NDST3: variants seen among roughly 807,000 people sequenced by gnomAD.
NDST3 encodes the protein N-deacetylase and N-sulfotransferase 3, also known as bifunctional heparan sulfate N-deacetylase/N-sulfotransferase 3.
NDST3 carries 58 observed loss-of-function variants against 96.1 expected under a neutral mutation model. The observed-to-expected ratio is 0.60, with a 90% CI of 0.49 to 0.75. NDST3 has a LOEUF of 0.75. Among genes scored for constraint, NDST3 ranks in the 30% least tolerant of loss-of-function variants. NDST3 has a pLI of 0.00. For synonymous variants in NDST3, 333 were observed against 359.7 expected (o/e 0.93, Z 0.84); for missense variants, 788 against 1,034.2 (o/e 0.76, Z 3.27).
upstream of NDST3, among the ~76,000 whole-genome samples, chr4:118,034,178 T>C: frequency 6.6e-6 from 1 of 152,232 alleles, no homozygotes. Context: ...TTTCATGGTG[T>C]GGTTATTTGC....
chr4:118,231,543 T>C (rs2125999674), intron 8 of NDST3, among the ~76,000 whole-genome samples: 1 of 151,956 alleles, frequency 6.6e-6, no homozygotes, highest in South Asian at 2.1e-4. Flanking sequence ...CAAAGTTTTG[T>C]ACAAATGGCA....
chr4:118,069,438 G>A (rs997743917), intron 2 of NDST3, among the ~76,000 whole-genome samples: 6 of 151,924 alleles, frequency 3.9e-5, no homozygotes, highest in Non-Finnish European at 5.9e-5. Context: ...TTAAACATTC[G>A]CCTTTGAGAA....
At chr4:118,110,445 C>T (rs1321615858) in intron 3 of NDST3, among the ~76,000 whole-genome samples, 1 of 152,122 alleles carries the variant, frequency 6.6e-6, no homozygotes, top group African/African-American at 2.4e-5. Context: ...TGTCAATTCC[C>T]TTATCTGTAA....
intron 1 of NDST3, among the ~76,000 whole-genome samples, chr4:118,048,279 A>T (rs948665473): frequency 6.6e-6 from 1 of 152,162 alleles, no homozygotes; most frequent in Non-Finnish European, 1.5e-5. Flanking sequence ...AAACACACTT[A>T]AGCACACAGC....
intron 2 of NDST3, among the ~76,000 whole-genome samples, chr4:118,058,960 A>C (rs970122243): frequency 6.6e-6 from 1 of 152,090 alleles, no homozygotes; most frequent in Admixed American, 6.6e-5. Context: ...AAGACATCTG[A>C]GAAGTCAAAT....
At chr4:118,116,382 T>C (rs954852032) in intron 4 of NDST3, among the ~76,000 whole-genome samples, 1 of 152,206 alleles carries the variant, frequency 6.6e-6, no homozygotes, top group Non-Finnish European at 1.5e-5. Context: ...GTTGTTGTTG[T>C]TGCTGTTTTG....
At chr4:118,207,936 G>A (rs1738535590) in intron 6 of NDST3, among the ~76,000 whole-genome samples, 1 of 144,242 alleles carries the variant, frequency 6.9e-6, no homozygotes, top group Non-Finnish European at 1.5e-5. Flanking sequence ...TGCCTCTTAT[G>A]TGCAGTTCTG....
At chr4:118,060,379 T>G (rs575793090) in intron 2 of NDST3, among the ~76,000 whole-genome samples, 1 of 152,258 alleles carries the variant, frequency 6.6e-6, no homozygotes, top group African/African-American at 2.4e-5. Flanking sequence ...ACCAGCTTTC[T>G]TTTGATTACT....
intron 6 of NDST3, among the ~76,000 whole-genome samples, chr4:118,150,416 C>T (rs931522544): frequency 9.9e-5 from 15 of 151,966 alleles, no homozygotes; most frequent in African/African-American, 3.1e-4. Flanking sequence ...AGCTTCTGCA[C>T]AGCAAAAGAA....
At chr4:118,254,245 C>CAAA (rs33924467) in intron 13 of NDST3, among the ~76,000 whole-genome samples, 1 of 127,668 alleles carries the variant, frequency 7.8e-6, no homozygotes, top group Non-Finnish European at 1.6e-5. Context: ...AACTCCAACT[C>CAAA]AAAAAAAAAA....
At chr4:118,234,786 T>C (rs1327221950) in intron 9 of NDST3, among the ~76,000 whole-genome samples, 1 of 151,942 alleles carries the variant, frequency 6.6e-6, no homozygotes, top group Non-Finnish European at 1.5e-5. Flanking sequence ...TCCCAGCACT[T>C]TGGGAGGCTG....
intron 3 of NDST3, among the ~76,000 whole-genome samples, chr4:118,111,298 C>T (rs1730613810): frequency 6.6e-6 from 1 of 151,970 alleles, no homozygotes; most frequent in South Asian, 2.1e-4. Context: ...ACCTGCATGT[C>T]CCCCCGAATC....
chr4:118,064,180 T>A (rs1412375353), intron 2 of NDST3, among the ~76,000 whole-genome samples: 4 of 152,180 alleles, frequency 2.6e-5, no homozygotes, highest in African/African-American at 9.6e-5. Context: ...TCTGATAATC[T>A]CACTTTTTCT....
intron 6 of NDST3, among the ~76,000 whole-genome samples, chr4:118,175,116 A>C (rs1344137284): frequency 6.6e-6 from 1 of 152,076 alleles, no homozygotes; most frequent in Non-Finnish European, 1.5e-5. Flanking sequence ...GTACCTCATC[A>C]ATTCAATGCT....
chr4:118,131,970 A>G (rs1732660115), intron 4 of NDST3, among the ~76,000 whole-genome samples: 1 of 152,034 alleles, frequency 6.6e-6, no homozygotes, highest in Non-Finnish European at 1.5e-5. Flanking sequence ...AAACACCCCT[A>G]TGGCCACTAT....
Position 118,136,192 on chromosome 4 carries a change from C to G in NDST3, c.1225-1862C>G, listed in dbSNP as rs571765670. On this transcript the variant is annotated intron_variant, in intron 4 of 13. Coordinates refer to ENST00000296499, the MANE Select transcript of NDST3 (RefSeq NM_004784.3). The stretch of plus-strand genomic sequence containing the variant: ...CTCTTCAAAAAGTTGTTAACCTCCT[C>G]AGCACCACATAACATTTCCATGTAA... Among the ~76,000 whole-genome samples the G allele has an allele frequency of 1.2e-3, 177 of 152,318 alleles. 1 individual carries two copies. The highest frequency in any genetic ancestry group is 3.4e-3 in the Middle Eastern group (1 of 294).
At position 118,083,885 on chromosome 4, in the gene NDST3, A is replaced by C. The variant is rs192635618; in HGVS notation, c.982-21133A>C. On this transcript the variant is annotated intron_variant, in intron 2 of 13. Transcript: ENST00000296499. ...TTACAATTTTTAACCATTCAGTCTTATTTTCCTCAACAATCTTTCTATCTT... is the reference window on the plus strand; with the variant it reads ...TTACAATTTTTAACCATTCAGTCTTCTTTTCCTCAACAATCTTTCTATCTT... Among the ~76,000 whole-genome samples the C allele has an allele frequency of 1.9e-4, 29 of 152,184 alleles. No homozygotes were observed. In the East Asian group the frequency reaches 5.0e-3, roughly 26 times the overall value.
intron 8 of NDST3, among the ~76,000 whole-genome samples, chr4:118,228,748 C>T (rs1298665181): frequency 2.6e-5 from 4 of 152,118 alleles, no homozygotes; most frequent in Admixed American, 6.6e-5. Flanking sequence ...CTATCCCCCC[C>T]GATCCCCACC....
intron 6 of NDST3, among the ~76,000 whole-genome samples, chr4:118,156,165 C>G (rs531766490): frequency 6.6e-6 from 1 of 152,092 alleles, no homozygotes; most frequent in Non-Finnish European, 1.5e-5. Context: ...TTTCACTCCA[C>G]CCATACAGAA....
Sources: gnomAD v4.1 joint callset for allele counts (sites outside exome capture counted in the v4.1 genomes callset) on GRCh38, gnomAD v4.1.1 for gene constraint, MANE v1.5 for transcripts, NCBI Gene and HGNC (gene_info 2026-07-23, HGNC 2026-07-21) for gene names.